The following PRKCE variants were observed in gnomAD, a reference collection of about 807,000 sequenced individuals.
PRKCE encodes the protein protein kinase C epsilon type.
PRKCE carries 16 observed loss-of-function variants against 85.4 expected under a neutral mutation model. The ratio of observed to expected loss-of-function variants is 0.19; its 90% CI spans 0.13 to 0.28. The LOEUF (loss-of-function observed/expected upper bound fraction) is 0.28. Among genes scored for constraint, PRKCE ranks in the 10% least tolerant of loss-of-function variants. The pLI, the probability that PRKCE is intolerant of heterozygous loss-of-function variation, is 1.00. For missense variants in PRKCE, 573 were observed against 975.2 expected, an observed-to-expected ratio of 0.59 and a Z score of 5.49; for synonymous variants, 388 against 371.5, an observed-to-expected ratio of 1.04 and a Z score of -0.51.
intron 11 of PRKCE, among the ~76,000 whole-genome samples, chr2:46,113,262 T>G (rs1343498372): frequency 6.6e-6 from 1 of 152,242 alleles, no homozygotes; most frequent in Non-Finnish European, 1.5e-5. Context: ...ATGTGTATTC[T>G]GTGGTCTGTA....
chr2:46,040,038 T>C (rs1188741597), intron 10 of PRKCE, among the ~76,000 whole-genome samples: 1 of 152,228 alleles, frequency 6.6e-6, no homozygotes, highest in East Asian at 1.9e-4. Flanking sequence ...AGTAAATATG[T>C]TAGAAAACTT....
intron 2 of PRKCE, among the ~76,000 whole-genome samples, chr2:45,876,540 T>G (rs577527543): frequency 1.3e-5 from 2 of 152,254 alleles, no homozygotes; most frequent in Non-Finnish European, 2.9e-5. Flanking sequence ...AAATCCCACT[T>G]TTTAATTTTT....
At chr2:46,180,529 G>A (rs1046264831) in intron 14 of PRKCE, among the ~76,000 whole-genome samples, 1 of 152,248 alleles carries the variant, frequency 6.6e-6, no homozygotes, top group Non-Finnish European at 1.5e-5. Context: ...TGGAGGCACA[G>A]AAAGAAAGGT....
intron 2 of PRKCE, among the ~76,000 whole-genome samples, chr2:45,912,090 C>G (rs1697421527): frequency 6.6e-6 from 1 of 152,200 alleles, no homozygotes; most frequent in Non-Finnish European, 1.5e-5. Context: ...CCCAGTTCTT[C>G]TAGTGTAGCA....
chr2:45,890,055 G>C (rs1037344634), intron 2 of PRKCE, among the ~76,000 whole-genome samples: 16 of 152,190 alleles, frequency 1.1e-4, no homozygotes, highest in Admixed American at 2.0e-4. Context: ...AGTGCTTACT[G>C]TCTGTTCCAG....
intron 1 of PRKCE, among the ~76,000 whole-genome samples, chr2:45,722,208 C>A (rs1680680984): frequency 6.6e-6 from 1 of 151,954 alleles, no homozygotes; most frequent in African/African-American, 2.4e-5. Context: ...TTATTTTTTG[C>A]AAATCTCTTT....
At chr2:46,093,800 C>A (rs920579098) in intron 11 of PRKCE, among the ~76,000 whole-genome samples, 1 of 152,090 alleles carries the variant, frequency 6.6e-6, no homozygotes, top group East Asian at 1.9e-4. Flanking sequence ...ACCTCCACAG[C>A]CCTATCACAT....
intron 10 of PRKCE, among the ~76,000 whole-genome samples, chr2:46,043,932 C>A (rs764633106): frequency 3.3e-5 from 5 of 152,216 alleles, no homozygotes; most frequent in Non-Finnish European, 7.3e-5. Context: ...TGGGGAAGAT[C>A]TTTCTGCATA....
intron 2 of PRKCE, among the ~76,000 whole-genome samples, chr2:45,966,515 C>T (rs1007329000): frequency 6.6e-6 from 1 of 152,162 alleles, no homozygotes; most frequent in Admixed American, 6.5e-5. Flanking sequence ...TTATTTAGAC[C>T]AAAATACCAG....
At chr2:45,688,034 C>G (rs1677438061) in intron 1 of PRKCE, among the ~76,000 whole-genome samples, 1 of 152,220 alleles carries the variant, frequency 6.6e-6, no homozygotes, top group Admixed American at 6.5e-5. Context: ...CTGGCAGTGT[C>G]TCAAGGGAGA....
At chr2:46,117,748 G>A (rs1000252340) in intron 11 of PRKCE, among the ~76,000 whole-genome samples, 23 of 152,212 alleles carry the variant, frequency 1.5e-4, no homozygotes, top group African/African-American at 5.1e-4. Flanking sequence ...AAAACACATA[G>A]GAAGGGCTTA....
chr2:45,883,433 TC>T (rs1162256774), intron 2 of PRKCE, among the ~76,000 whole-genome samples: 2 of 152,186 alleles, frequency 1.3e-5, no homozygotes, highest in African/African-American at 4.8e-5. Flanking sequence ...CTAATGGCCT[TC>T]GGGAGCCAAC....
At chr2:46,036,533 T>A (rs1707873365) in intron 10 of PRKCE, among the ~76,000 whole-genome samples, 1 of 152,076 alleles carries the variant, frequency 6.6e-6, no homozygotes, top group African/African-American at 2.4e-5. Context: ...GGGACTGCAG[T>A]GAGCCATGAT....
At chr2:45,681,018 C>A (rs1043455410) in intron 1 of PRKCE, among the ~76,000 whole-genome samples, 3 of 152,070 alleles carry the variant, frequency 2.0e-5, no homozygotes, top group Non-Finnish European at 4.4e-5. Flanking sequence ...GGGCTGAGTG[C>A]GGTGGCGCAC....
intron 1 of PRKCE, among the ~76,000 whole-genome samples, chr2:45,777,471 G>T (rs1011508366): frequency 6.6e-6 from 1 of 151,874 alleles, no homozygotes; most frequent in African/African-American, 2.4e-5. Context: ...AGGCAGTGGC[G>T]CCCACGAGCT....
At chr2:46,123,466 A>T (rs923644482) in intron 11 of PRKCE, among the ~76,000 whole-genome samples, 3 of 152,004 alleles carry the variant, frequency 2.0e-5, no homozygotes, top group African/African-American at 7.3e-5. Context: ...ATAGAACAAA[A>T]GCAAACTTTA....
At chr2:46,019,250 G>C (rs1280201730) in intron 10 of PRKCE, among the ~76,000 whole-genome samples, 2 of 152,320 alleles carry the variant, frequency 1.3e-5, no homozygotes, top group East Asian at 3.9e-4. Context: ...ATGCCTGTAT[G>C]AGTTTTTTTT....
intron 2 of PRKCE, among the ~76,000 whole-genome samples, chr2:45,955,496 C>T (rs72802838): frequency 0.12 from 18,227 of 152,200 alleles, 1,370 homozygotes; most frequent in South Asian, 0.23. Flanking sequence ...CTCTTCTGCT[C>T]AGCTGAATTC....
At chr2:46,106,172 G>A (rs980681217) in intron 11 of PRKCE, among the ~76,000 whole-genome samples, 20 of 152,100 alleles carry the variant, frequency 1.3e-4, no homozygotes, top group African/African-American at 4.8e-4. Flanking sequence ...CTATGTAGTT[G>A]AAACTCATGT....
Sources: allele counts gnomAD v4.1 joint callset (sites outside exome capture counted in the v4.1 genomes callset), GRCh38; gene constraint gnomAD v4.1.1; transcripts MANE v1.5; gene names NCBI Gene and HGNC (gene_info 2026-07-23, HGNC 2026-07-21).